The following RAB5A variants were observed in gnomAD, a reference collection of about 807,000 sequenced individuals.
RAB5A encodes the protein ras-related protein Rab-5A.
RAB5A carries 8 observed loss-of-function variants against 25.7 expected under a neutral mutation model. The observed-to-expected ratio is 0.31, with a 90% confidence interval of 0.18 to 0.56. The LOEUF (loss-of-function observed/expected upper bound fraction) is 0.56. Among genes scored for constraint, RAB5A ranks in the 20% least tolerant of loss-of-function variants. RAB5A has a pLI of 0.91. For missense variants in RAB5A, 192 were observed against 259.7 expected (o/e 0.74, Z 1.79); for synonymous variants, 98 against 89.8 (o/e 1.09, Z -0.52).
At chr3:19,981,199 A>G (rs1010646175) in intron 5 of RAB5A, among the ~76,000 whole-genome samples, 1 of 152,132 alleles carries the variant, frequency 6.6e-6, no homozygotes, top group Non-Finnish European at 1.5e-5. Context: ...GCAATCTCCA[A>G]CTTTACAGTG....
chr3:19,949,689 A>G (rs1696394403), intron 1 of RAB5A, among the ~76,000 whole-genome samples: 1 of 152,234 alleles, frequency 6.6e-6, no homozygotes, highest in South Asian at 2.1e-4. Flanking sequence ...TTAGAGATTA[A>G]AAATTAGCAT....
At chr3:19,967,975 G>A (rs1294749336) in intron 2 of RAB5A, among the ~76,000 whole-genome samples, 1 of 152,236 alleles carries the variant, frequency 6.6e-6, no homozygotes, top group East Asian at 1.9e-4. Context: ...ATCATCTGAA[G>A]TTAGTGCTTA....
chr3:19,973,802 TA>T (rs1004208226), intron 2 of RAB5A, among the ~76,000 whole-genome samples: 46 of 152,314 alleles, frequency 3.0e-4, no homozygotes, highest in African/African-American at 1.1e-3. Context: ...CCAGTTAACC[TA>T]AAAGAGCGTG....
chr3:19,948,713 A>G (rs1185191356), intron 1 of RAB5A, among the ~76,000 whole-genome samples: 1 of 152,058 alleles, frequency 6.6e-6, no homozygotes, highest in Non-Finnish European at 1.5e-5. Context: ...TTTAAACCTT[A>G]AAAGTCAAAG....
chr3:19,984,518 A>T lies in RAB5A; in HGVS notation c.*695A>T, dbSNP rs1696995453. ...TTAATGGTCAGTGTTCCTTTCAAAC[A>T]TGTGAGTTCTTTAACAAAAATGAAA... On this transcript the variant is annotated 3_prime_UTR_variant, in exon 6 of 6. Coordinates refer to ENST00000273047, the MANE Select transcript of RAB5A (RefSeq NM_004162.5). 1 of 183,588 alleles carries T rather than the reference A, an allele frequency of 5.4e-6. No homozygotes were observed. The highest frequency in any genetic ancestry group is 1.0e-4 in the South Asian group (1 of 9,936). The allele number at this position is 183,588 out of a possible 1,614,324, so 11.4% of individuals were successfully genotyped here. A position where few individuals can be genotyped will look rare whatever the true frequency, so the allele number is the denominator to read the frequency against.
intron 4 of RAB5A, among the ~76,000 whole-genome samples, chr3:19,977,314 T>C (rs1428381812): frequency 1.3e-5 from 2 of 152,182 alleles, no homozygotes; most frequent in Non-Finnish European, 1.5e-5. Context: ...GACCTTGTGA[T>C]CCACCCGCCT....
intron 2 of RAB5A, among the ~76,000 whole-genome samples, chr3:19,964,211 A>G (rs765347505): frequency 4.6e-5 from 7 of 152,220 alleles, no homozygotes; most frequent in Non-Finnish European, 8.8e-5. Flanking sequence ...TCTGTTGCCT[A>G]TAGATAAAAT....
At chr3:19,969,044 G>GTTTTTTTTT (rs746635502) in intron 2 of RAB5A, among the ~76,000 whole-genome samples, 1 of 65,552 alleles carries the variant, frequency 1.5e-5, no homozygotes, top group Non-Finnish European at 2.7e-5. Context: ...TTTTTTTTTT[G>GTTTTTTTTT]GTTTTTTTTT....
intron 5 of RAB5A, among the ~76,000 whole-genome samples, chr3:19,979,282 C>CT (rs1207387066): frequency 1.4e-5 from 2 of 140,376 alleles, no homozygotes; most frequent in East Asian, 2.1e-4. Flanking sequence ...GCCTAAGGTA[C>CT]TTTCTTTTTT....
At chr3:19,973,212 T>C (rs1318601776) in intron 2 of RAB5A, among the ~76,000 whole-genome samples, 2 of 152,154 alleles carry the variant, frequency 1.3e-5, no homozygotes, top group Admixed American at 6.6e-5. Flanking sequence ...CTTCATGATA[T>C]ATGGGGAGGT....
intron 2 of RAB5A, among the ~76,000 whole-genome samples, chr3:19,971,472 G>A (rs765626684): frequency 6.6e-6 from 1 of 151,836 alleles, no homozygotes; most frequent in Admixed American, 6.6e-5. Flanking sequence ...GGTGGTGGTG[G>A]TGGTGGTTGT....
chr3:19,972,783 T>C (rs563215436), intron 2 of RAB5A, among the ~76,000 whole-genome samples: 2 of 152,346 alleles, frequency 1.3e-5, no homozygotes, highest in African/African-American at 4.8e-5. Context: ...GCAATTTCTT[T>C]GTATTTGGCA....
At chr3:19,969,999 A>C (rs927206247) in intron 2 of RAB5A, among the ~76,000 whole-genome samples, 1 of 141,856 alleles carries the variant, frequency 7.0e-6, no homozygotes, top group African/African-American at 2.6e-5. Flanking sequence ...ACGGGTTTTC[A>C]CCATGTTGGT....
chr3:19,961,313 G>C (rs1575070099), intron 2 of RAB5A, among the ~76,000 whole-genome samples: 1 of 152,234 alleles, frequency 6.6e-6, no homozygotes, highest in African/African-American at 2.4e-5. Context: ...GGTGACAGCT[G>C]GGATTAAAGA....
rs758813394 is a variant in RAB5A at position 19,977,197 on chromosome 3, C to T, written c.438+1028C>T. Among the ~76,000 whole-genome samples, 12 of 152,088 alleles carry T rather than the reference C, an allele frequency of 7.9e-5. No individual in the cohort carries two copies. The East Asian group carries it at 9.6e-4, about 12-fold the overall frequency. The stretch of plus-strand genomic sequence containing the variant: ...ACGCCATTCTGCTGCCTCAGCCTCC[C>T]AAGTAGCTGGGACTACAGGCGCCCA... On this transcript the variant is annotated intron_variant, in intron 4 of 5. Coordinates refer to ENST00000273047, the MANE Select transcript of RAB5A (RefSeq NM_004162.5).
chr3:19,951,205 A>T, intron 2 of RAB5A, 144 bp downstream of exon 2: 1 of 868,282 alleles, frequency 1.2e-6, no homozygotes, highest in Non-Finnish European at 1.7e-6. Flanking sequence ...TAGCTTTAAA[A>T]CTTGCCTTTA....
intron 2 of RAB5A, among the ~76,000 whole-genome samples, chr3:19,975,206 T>G (rs1399687054): frequency 7.1e-6 from 1 of 140,824 alleles, no homozygotes; most frequent in Non-Finnish European, 1.6e-5. Context: ...AGTCTGAGAC[T>G]CTTGTATCAA....
intron 2 of RAB5A, among the ~76,000 whole-genome samples, chr3:19,966,558 A>G (rs1209812197): frequency 6.6e-6 from 1 of 152,204 alleles, no homozygotes; most frequent in Non-Finnish European, 1.5e-5. Flanking sequence ...TGCCCGTAAG[A>G]GGAATTGCTG....
intron 3 of RAB5A, 124 bp downstream of exon 3, chr3:19,975,876 T>A (rs1696817502): frequency 7.5e-7 from 1 of 1,332,672 alleles, no homozygotes; most frequent in Non-Finnish European, 1.0e-6. Flanking sequence ...GAAGCTTTTG[T>A]GAATTAGAAA....
Sources: allele counts gnomAD v4.1 joint callset (sites outside exome capture counted in the v4.1 genomes callset), GRCh38; gene constraint gnomAD v4.1.1; transcripts MANE v1.5; gene names NCBI Gene and HGNC (gene_info 2026-07-23, HGNC 2026-07-21).